The following SAMMSON variants were observed in gnomAD, a reference collection of about 807,000 sequenced individuals.
The protein encoded by SAMMSON is long intergenic non-protein coding RNA 1212.
chr3:70,396,011 A>T (rs1419122332), intron 2 of SAMMSON, among the ~76,000 whole-genome samples: 1 of 152,176 alleles, frequency 6.6e-6, no homozygotes, highest in African/African-American at 2.4e-5. Context: ...TCCCCAGCTT[A>T]CAAGGCATCT....
intron 7 of SAMMSON, among the ~76,000 whole-genome samples, chr3:70,297,696 C>A (rs1702303205): frequency 6.6e-6 from 1 of 152,000 alleles, no homozygotes; most frequent in Admixed American, 6.6e-5. Context: ...CTTCCTTAAG[C>A]ATTTGTTTAT....
At chr3:70,148,977 C>T (rs901427571) in intron 4 of SAMMSON, among the ~76,000 whole-genome samples, 5 of 151,912 alleles carry the variant, frequency 3.3e-5, no homozygotes, top group Non-Finnish European at 7.4e-5. Flanking sequence ...TTATGGAAGG[C>T]GAGGAATAAT....
At chr3:70,116,152 G>C (rs1184620449) in intron 4 of SAMMSON, among the ~76,000 whole-genome samples, 1 of 151,988 alleles carries the variant, frequency 6.6e-6, no homozygotes, top group African/African-American at 2.4e-5. Context: ...CTAAATTCAT[G>C]GCAAGAGAAA....
intron 1 of SAMMSON, among the ~76,000 whole-genome samples, chr3:70,006,802 C>A (rs2066928903): frequency 8.2e-6 from 1 of 122,090 alleles, no homozygotes; most frequent in South Asian, 3.4e-4. Flanking sequence ...CCCCCCTCCC[C>A]CCACCCCACA....
chr3:70,283,072 A>T (rs1341795653), intron 6 of SAMMSON, among the ~76,000 whole-genome samples: 1 of 152,186 alleles, frequency 6.6e-6, no homozygotes, highest in East Asian at 1.9e-4. Context: ...CCTCAGTATG[A>T]TTCTCTCCAC....
intron 4 of SAMMSON, among the ~76,000 whole-genome samples, chr3:70,105,704 C>G (rs1017676954): frequency 1.3e-5 from 2 of 152,128 alleles, no homozygotes; most frequent in Admixed American, 6.5e-5. Flanking sequence ...AAATTTTTAG[C>G]TATTTATGTG....
intron 3 of SAMMSON, among the ~76,000 whole-genome samples, chr3:70,066,434 T>C (rs926887433): frequency 6.6e-6 from 1 of 152,088 alleles, no homozygotes; most frequent in African/African-American, 2.4e-5. Context: ...GAATGGGAAA[T>C]CTTTGGACAA....
intron 6 of SAMMSON, among the ~76,000 whole-genome samples, chr3:70,289,792 C>T (rs989062046): frequency 1.6e-4 from 24 of 152,202 alleles, no homozygotes; most frequent in Middle Eastern, 3.4e-3. Flanking sequence ...CTTTCCTTCT[C>T]GCTTCATTTC....
chr3:70,047,782 T>G (rs2067132340), intron 3 of SAMMSON, among the ~76,000 whole-genome samples: 1 of 152,144 alleles, frequency 6.6e-6, no homozygotes, highest in Non-Finnish European at 1.5e-5. Flanking sequence ...ACCTTCTTAC[T>G]GTGTCTTTGC....
intron 4 of SAMMSON, among the ~76,000 whole-genome samples, chr3:70,176,209 G>A (rs1395090264): frequency 6.6e-6 from 1 of 152,140 alleles, no homozygotes; most frequent in African/African-American, 2.4e-5. Context: ...AGGTAGTGCT[G>A]AGGACTAGGG....
In SAMMSON at chr3:70,311,291, C is replaced by T. The variant is rs530041667; in HGVS notation, n.739+20048C>T. Among the ~76,000 whole-genome samples the T allele has an allele frequency of 2.0e-5, 3 of 152,162 alleles. No individual in the cohort carries two copies. The East Asian group carries it at 5.8e-4, about 29-fold the overall frequency. On this transcript the variant is annotated intron_variant and non_coding_transcript_variant, in intron 7 of 9. Transcript: ENST00000642114. Reference sequence around the variant, plus strand: ...TCATAAAATCAAAAAATTATAAAACCGTGCCTTCTAGTAAATAATCACAGG... The same window carrying T: ...TCATAAAATCAAAAAATTATAAAACTGTGCCTTCTAGTAAATAATCACAGG...
chr3:70,427,128 GT>G (rs1285606627), intron 2 of SAMMSON, among the ~76,000 whole-genome samples: 2 of 152,160 alleles, frequency 1.3e-5, no homozygotes, highest in Non-Finnish European at 2.9e-5. Context: ...ATTTTAAAAT[GT>G]GATCAGATTT....
At chr3:70,205,177 C>T (rs1317393445) in intron 4 of SAMMSON, 1 of 152,010 alleles carries the variant, frequency 6.6e-6, no homozygotes, top group African/African-American at 2.4e-5. Flanking sequence ...CATAACACTC[C>T]TGGTCTCTGG....
At chr3:70,158,495 T>C (rs1231193527) in intron 4 of SAMMSON, among the ~76,000 whole-genome samples, 2 of 152,048 alleles carry the variant, frequency 1.3e-5, no homozygotes, top group Non-Finnish European at 2.9e-5. Context: ...TTAGCTATTA[T>C]GGATAATACT....
chr3:70,385,747 C>A (rs1703118465), intron 9 of SAMMSON, among the ~76,000 whole-genome samples: 1 of 152,060 alleles, frequency 6.6e-6, no homozygotes, highest in Admixed American at 6.6e-5. Flanking sequence ...CTCACTATAT[C>A]ACCTTTTTCT....
At position 70,167,268 on chromosome 3, in the gene SAMMSON, A is replaced by G. The variant is rs993765909; in HGVS notation, n.508-81839A>G. 5.9e-5 allele frequency among the ~76,000 whole-genome samples: 9 copies of G among 152,112 alleles called. No individual in the cohort carries two copies. The East Asian group carries it at 1.7e-3, about 30-fold the overall frequency. ...TAAACTATAGTTGGCTAATAAAAAT[A>G]AGTAGATTGGTAGAAACACAAATGG... On this transcript the variant is annotated intron_variant and non_coding_transcript_variant, in intron 4 of 9. Transcript: ENST00000642114.
At chr3:70,059,791 A>G (rs1386061391) in intron 3 of SAMMSON, among the ~76,000 whole-genome samples, 3 of 152,082 alleles carry the variant, frequency 2.0e-5, no homozygotes, top group Admixed American at 2.0e-4. Flanking sequence ...TTGGCAAGTT[A>G]AATTGGCTAT....
At chr3:70,176,511 C>G (rs1276847163) in intron 4 of SAMMSON, among the ~76,000 whole-genome samples, 1 of 152,108 alleles carries the variant, frequency 6.6e-6, no homozygotes, top group East Asian at 1.9e-4. Flanking sequence ...TTGGAATTTT[C>G]TTTCTTTTCC....
chr3:70,217,136 T>TTAA (rs764215258), intron 4 of SAMMSON, among the ~76,000 whole-genome samples: 4 of 152,094 alleles, frequency 2.6e-5, no homozygotes, highest in Non-Finnish European at 5.9e-5. Flanking sequence ...CTAATGAAAG[T>TTAA]TTGTCTGTGT....
Sources: allele counts gnomAD v4.1 joint callset (sites outside exome capture counted in the v4.1 genomes callset), GRCh38; gene constraint gnomAD v4.1.1; transcripts MANE v1.5; gene names NCBI Gene and HGNC (gene_info 2026-07-23, HGNC 2026-07-21).